The following BRD8 variants were observed in gnomAD, a reference collection of about 807,000 sequenced individuals.
BRD8 encodes the protein bromodomain-containing protein 8.
A neutral mutation model predicts 143.1 loss-of-function variants in BRD8; 67 were observed. That is an observed-to-expected ratio of 0.47 (90% CI 0.38 to 0.57). The LOEUF (loss-of-function observed/expected upper bound fraction) is 0.57. Among genes scored for constraint, BRD8 ranks in the 20% least tolerant of loss-of-function variants. The pLI, the probability that BRD8 is intolerant of heterozygous loss-of-function variation, is 0.00. For synonymous variants in BRD8, 505 were observed against 517.1 expected, an observed-to-expected ratio of 0.98 and a Z score of 0.32; for missense variants, 1,103 against 1,503.0, an observed-to-expected ratio of 0.73 and a Z score of 4.40.
At position 138,168,043 on chromosome 5, in the gene BRD8, G is replaced by A. The variant is rs1284113767; in HGVS notation, c.678C>T (p.His226=). 11 of 1,613,266 alleles carry A rather than the reference G, an allele frequency of 6.8e-6. No individual in the cohort carries two copies. The highest frequency in any genetic ancestry group is 1.7e-5 in the Admixed American group (1 of 59,974). ...CCAGGAGGACACCTGTACTGTTCAG[G>A]TGGCCAGAAGCCACAGCCATTTCAC... The part of the protein sequence containing the change: ...NESEMAVASG[H]LNSTGVLLEV... The change falls in exon 9 of 27, where the codon CAC becomes CAT. Residue 226 remains histidine, a synonymous_variant. Coordinates refer to ENST00000254900, the MANE Select transcript of BRD8 (RefSeq NM_139199.2).
Position 138,165,144 on chromosome 5 carries a change from A to G in BRD8, c.1301T>C (p.Leu434Pro). The change falls in exon 12 of 27, where the codon CTG becomes CCG. Residue 434 changes from leucine to proline, a missense_variant. Coordinates refer to ENST00000254900, the MANE Select transcript of BRD8 (RefSeq NM_139199.2). ...EDKVDDHPEV[L>P]DVAAVEAALS... ...TGCTGCTTCCACTGCTGCCACATCCAGCACTTCAGGATGATCATCTACCTG... is the reference window on the plus strand; with the variant it reads ...TGCTGCTTCCACTGCTGCCACATCCGGCACTTCAGGATGATCATCTACCTG... 6.2e-7 allele frequency: 1 copy of G among 1,614,072 alleles called. No homozygotes were observed. Among genetic ancestry groups the G allele is most frequent in the African/African-American group, 1.3e-5 (1 of 75,034 alleles).
intron 15 of BRD8, among the ~76,000 whole-genome samples, chr5:138,162,474 G>A (rs1271760392): frequency 1.3e-5 from 2 of 152,036 alleles, no homozygotes; most frequent in African/African-American, 4.8e-5. Context: ...GGGATTACAG[G>A]TGTGAGCCAC....
In BRD8 at chr5:138,177,632, A is replaced by G; in HGVS notation, c.55T>C (p.Trp19Arg). The G allele has an allele frequency of 6.2e-7, 1 of 1,607,548 alleles. No individual in the cohort carries two copies. Among genetic ancestry groups the G allele is most frequent in the Non-Finnish European group, 8.5e-7 (1 of 1,176,954 alleles). ...AAACATAGCTTCTCTCGGATGGACC[A>G]TGGCTCTGTGGGGCCAGTGCTTAGC... ...KLLSTGPTEP[W>R]SIREKLCLAS... The change falls in exon 2 of 27, where the codon TGG becomes CGG. Residue 19 changes from tryptophan to arginine, a missense_variant. By Grantham distance (101) the Trp-to-Arg change is moderately radical. Transcript: ENST00000254900.
At chr5:138,160,644 T>A (rs927905164) in intron 18 of BRD8, among the ~76,000 whole-genome samples, 50 of 152,216 alleles carry the variant, frequency 3.3e-4, no homozygotes, top group Non-Finnish European at 2.2e-4. Context: ...TCACCATTTT[T>A]AAAAAATTTT....
At chr5:138,147,027 T>C (rs1752182215) in intron 23 of BRD8, among the ~76,000 whole-genome samples, 1 of 149,950 alleles carries the variant, frequency 6.7e-6, no homozygotes, top group African/African-American at 2.5e-5. Context: ...GTTTGTACAG[T>C]CACAGTATGT....
chr5:138,154,373 G>A (rs371117828), intron 20 of BRD8, among the ~76,000 whole-genome samples: 4 of 152,010 alleles, frequency 2.6e-5, no homozygotes, highest in South Asian at 2.1e-4. Context: ...CCTTCCATTC[G>A]GTTTGCTAGT....
At chr5:138,156,629 C>T (rs1752612470) in intron 20 of BRD8, among the ~76,000 whole-genome samples, 1 of 152,134 alleles carries the variant, frequency 6.6e-6, no homozygotes, top group South Asian at 2.1e-4. Flanking sequence ...AAAAACCTTA[C>T]TTTTCCCAAA....
intron 14 of BRD8, chr5:138,163,592 A>T (rs1277408650): frequency 6.9e-7 from 1 of 1,450,826 alleles, no homozygotes; most frequent in East Asian, 3.0e-5. Flanking sequence ...CTTACTTAAG[A>T]CTAAGCTAAG....
At position 138,161,073 on chromosome 5, in the gene BRD8, A is replaced by G; in HGVS notation, c.2250-5T>C. Reference sequence around the variant, plus strand: ...ATAGTTGACAAATCCATAGGCCTAAAAAAAAAGAACAGGGGTAAGTAGCAG... The same window carrying G: ...ATAGTTGACAAATCCATAGGCCTAAGAAAAAAGAACAGGGGTAAGTAGCAG... On this transcript the variant is annotated splice_region_variant and splice_polypyrimidine_tract_variant and intron_variant, in intron 17 of 26. Coordinates refer to ENST00000254900, the MANE Select transcript of BRD8 (RefSeq NM_139199.2). The G allele has an allele frequency of 6.2e-7, 1 of 1,607,862 alleles. No homozygotes were observed. The highest frequency in any genetic ancestry group is 8.5e-7 in the Non-Finnish European group (1 of 1,176,914).
At chr5:138,159,366 CCA>C (rs147319777) in intron 20 of BRD8, among the ~76,000 whole-genome samples, 187 bp downstream of exon 20, 2 of 150,340 alleles carry the variant, frequency 1.3e-5, no homozygotes, top group Non-Finnish European at 3.0e-5. Flanking sequence ...CCTACCCAGC[CCA>C]CACACACACA....
At chr5:138,172,777 AG>A (rs1273165111) in intron 2 of BRD8, 2 of 435,712 alleles carry the variant, frequency 4.6e-6, no homozygotes, top group African/African-American at 2.1e-5. Flanking sequence ...CCTTGAGCCC[AG>A]GAAGTCAAGA....
At chr5:138,169,132 C>T in intron 8 of BRD8, 90 bp downstream of exon 8, 1 of 1,436,056 alleles carries the variant, frequency 7.0e-7, no homozygotes, top group African/African-American at 1.4e-5. Context: ...AGGAAGTTGC[C>T]TCTAGGCCAA....
chr5:138,149,105 C>T (rs963703607), intron 23 of BRD8, among the ~76,000 whole-genome samples: 7 of 151,366 alleles, frequency 4.6e-5, no homozygotes, highest in Admixed American at 6.6e-5. Flanking sequence ...GTATATTAGG[C>T]ATAGTTTGTA....
rs149148720 is a variant in BRD8, at chr5:138,140,730, C to T, written c.3590G>A (p.Arg1197Gln). 29 of 1,614,078 alleles carry T rather than the reference C, an allele frequency of 1.8e-5. No homozygotes were observed. In the Middle Eastern group the frequency reaches 9.9e-4, roughly 55 times the overall value. ...HHVYHMAVEM[R>Q]QEVLEQIQVL... The stretch of plus-strand genomic sequence containing the variant: ...CTGAATCTGCTCCAGGACTTCTTGC[C>T]GCATCTCCACAGCCATATGGTATAC... The change falls in exon 26 of 27, where the codon CGG becomes CAG. Residue 1197 changes from arginine to glutamine, a missense_variant. By Grantham distance (43) the Arg-to-Gln change is conservative (BLOSUM62 1). Transcript: ENST00000254900.
intron 20 of BRD8, chr5:138,157,315 CAA>C: frequency 6.2e-7 from 1 of 1,610,436 alleles, no homozygotes; most frequent in South Asian, 1.1e-5. Flanking sequence ...GGTCAGGAGA[CAA>C]GAGACGGTGC....
intron 20 of BRD8, chr5:138,157,038 C>G: frequency 6.8e-7 from 1 of 1,465,158 alleles, no homozygotes; most frequent in Non-Finnish European, 9.0e-7. Flanking sequence ...TGCCCTAAAA[C>G]AGGCAATTGT....
intron 9 of BRD8, among the ~76,000 whole-genome samples, chr5:138,167,465 T>C (rs889099579): frequency 5.9e-5 from 9 of 152,202 alleles, no homozygotes; most frequent in African/African-American, 1.9e-4. Context: ...TTTATTTCCC[T>C]GCTTTATACT....
chr5:138,164,191 T>A (rs560442414), intron 13 of BRD8, 58 bp from the exon 14 acceptor site: 9 of 1,593,612 alleles, frequency 5.6e-6, no homozygotes, highest in Admixed American at 1.7e-5. Context: ...CCCCTTCCTA[T>A]GGACCATAAT....
intron 7 of BRD8, among the ~76,000 whole-genome samples, chr5:138,169,814 C>G (rs981296465): frequency 4.6e-5 from 7 of 152,116 alleles, no homozygotes; most frequent in Non-Finnish European, 1.0e-4. Context: ...CAAAAATTAG[C>G]TAGGTGTGGT....
Sources: gnomAD v4.1 joint callset for allele counts (sites outside exome capture counted in the v4.1 genomes callset) on GRCh38, gnomAD v4.1.1 for gene constraint, MANE v1.5 for transcripts, NCBI Gene and HGNC (gene_info 2026-07-23, HGNC 2026-07-21) for gene names.